Variants in VTA1 observed in about 807,000 individuals in gnomAD.
VTA1 encodes the protein vacuolar protein sorting-associated protein VTA1 homolog.
In VTA1, 24 loss-of-function variants were observed where a neutral mutation model predicts 36.9. The ratio of observed to expected loss-of-function variants is 0.65; its 90% confidence interval spans 0.47 to 0.91. The LOEUF is 0.91. Ranked by LOEUF, VTA1 falls within the 40% of genes least tolerant of loss-of-function variation. The pLI is 0.00. For synonymous variants in VTA1, 142 were observed against 130.2 expected (o/e 1.09, Z -0.62); for missense variants, 393 against 377.2 (o/e 1.04, Z -0.35).
intron 7 of VTA1, among the ~76,000 whole-genome samples, chr6:142,213,477 G>A (rs563074128): frequency 1.3e-5 from 2 of 152,268 alleles, no homozygotes; most frequent in South Asian, 2.1e-4. Context: ...GAGGATGGTG[G>A]CCCTCTTCTC....
At chr6:142,168,120 C>A (rs1774956106) in intron 2 of VTA1, among the ~76,000 whole-genome samples, 2 of 152,096 alleles carry the variant, frequency 1.3e-5, no homozygotes, top group Non-Finnish European at 2.9e-5. Context: ...TTTAAAACTT[C>A]AAGTATATTA....
intron 6 of VTA1, among the ~76,000 whole-genome samples, chr6:142,202,332 T>C (rs1384970199): frequency 6.6e-6 from 1 of 151,912 alleles, no homozygotes; most frequent in African/African-American, 2.4e-5. Flanking sequence ...ATTTATACTT[T>C]TATACAGTTT....
intron 7 of VTA1, among the ~76,000 whole-genome samples, chr6:142,205,402 A>G (rs1775771620): frequency 6.6e-6 from 1 of 152,162 alleles, no homozygotes; most frequent in Non-Finnish European, 1.5e-5. Context: ...TTAGTCTACC[A>G]TCTAGAACCA....
chr6:142,172,449 C>T (rs1047203225), intron 4 of VTA1, among the ~76,000 whole-genome samples: 1 of 152,210 alleles, frequency 6.6e-6, no homozygotes, highest in African/African-American at 2.4e-5. Context: ...AACAGCCCTA[C>T]CCTAGGGTAT....
intron 7 of VTA1, among the ~76,000 whole-genome samples, chr6:142,214,296 C>G (rs563703455): frequency 6.6e-6 from 1 of 152,174 alleles, no homozygotes; most frequent in African/African-American, 2.4e-5. Flanking sequence ...CCAATAAGTT[C>G]CTCATCTCCA....
intron 1 of VTA1, among the ~76,000 whole-genome samples, chr6:142,165,479 A>T (rs1242051272): frequency 1.3e-5 from 2 of 152,202 alleles, no homozygotes; most frequent in African/African-American, 4.8e-5. Context: ...TTTGTGCACA[A>T]CAGTTGTAAT....
chr6:142,222,573 C>CT lies in VTA1; in HGVS notation c.*3934dup, dbSNP rs1776131189. ...TATGCATTGAAAGATTATATACTGT[C>CT]TTTTCTAAAGAAACACCCTAATAGC... On this transcript the variant is annotated 3_prime_UTR_variant, in exon 8 of 8. Transcript: ENST00000367630. The CT allele has an allele frequency of 6.6e-6, 1 of 152,200 alleles. No homozygotes were observed. The highest frequency in any genetic ancestry group is 2.1e-4 in the South Asian group (1 of 4,826). 9.4% of individuals were successfully genotyped at this position (152,200 alleles called of 1,614,324 possible).
rs571977962 is a variant in VTA1 at position 142,211,383 on chromosome 6, CTT to C, written c.779-7111_779-7110del. Among the ~76,000 whole-genome samples, 327 of 151,682 alleles carry C rather than the reference CTT, an allele frequency of 2.2e-3. 4 individuals carry two copies. Among genetic ancestry groups the C allele is most frequent in the East Asian group, 1.4e-3 (7 of 5,182 alleles). ...CAGATGACTTTGGGTTGAGCAATGA[CTT>C]TTTAAATGCATGACCTATAAAAGAA... On this transcript the variant is annotated intron_variant, in intron 7 of 7. Coordinates refer to ENST00000367630, the MANE Select transcript of VTA1 (RefSeq NM_016485.5).
intron 7 of VTA1, among the ~76,000 whole-genome samples, chr6:142,212,300 G>A (rs1775918917): frequency 6.6e-6 from 1 of 152,160 alleles, no homozygotes; most frequent in Non-Finnish European, 1.5e-5. Flanking sequence ...TAAATAAACT[G>A]CAGTACATCT....
chr6:142,187,157 G>A (rs567232582), intron 4 of VTA1, among the ~76,000 whole-genome samples: 2 of 152,180 alleles, frequency 1.3e-5, no homozygotes, highest in East Asian at 1.9e-4. Context: ...ATTATTGATT[G>A]CGCCCACTAT....
Position 142,222,084 on chromosome 6 carries a change from GAGCC to G in VTA1, c.*3443_*3446del, listed in dbSNP as rs1293091196. On this transcript the variant is annotated 3_prime_UTR_variant, in exon 8 of 8. Transcript: ENST00000367630. ...GTTTCTGGCGGCTTTTTTTTAGGTAGAGCCACAGGATTTCTGTAAACTGGATGTG... is the reference window on the plus strand; with the variant it reads ...GTTTCTGGCGGCTTTTTTTTAGGTAGACAGGATTTCTGTAAACTGGATGTG... 6.6e-6 allele frequency: 1 copy of G among 152,018 alleles called. No homozygotes were observed. Among genetic ancestry groups the G allele is most frequent in the Non-Finnish European group, 1.5e-5 (1 of 68,014 alleles). 9.4% of individuals were successfully genotyped at this position (152,018 alleles called of 1,614,324 possible).
At chr6:142,187,798 T>C (rs547921011) in intron 4 of VTA1, among the ~76,000 whole-genome samples, 2 of 152,284 alleles carry the variant, frequency 1.3e-5, no homozygotes, top group South Asian at 4.1e-4. Flanking sequence ...AGAAGCTGCC[T>C]GTAGTAGTAT....
chr6:142,148,975 G>A (rs1023380918), intron 1 of VTA1, among the ~76,000 whole-genome samples: 1 of 152,170 alleles, frequency 6.6e-6, no homozygotes, highest in African/African-American at 2.4e-5. Flanking sequence ...GGAAATTCCT[G>A]TTCCCGATCC....
intron 1 of VTA1, among the ~76,000 whole-genome samples, chr6:142,165,555 C>G (rs1158386938): frequency 2.0e-5 from 3 of 152,132 alleles, no homozygotes; most frequent in Non-Finnish European, 4.4e-5. Flanking sequence ...AGAACATTAG[C>G]ACTGACACAG....
chr6:142,181,222 T>C lies in VTA1; in HGVS notation c.412-8204T>C, dbSNP rs750039354. Among the ~76,000 whole-genome samples, 133 of 145,882 alleles carry C rather than the reference T, an allele frequency of 9.1e-4. 1 individual carries two copies. The highest frequency in any genetic ancestry group is 1.8e-3 in the Non-Finnish European group (118 of 66,272). ...GATCTCACCTCTCTGCAAGCTCCGC[T>C]TCCCGGGTTCATGCCATTCTCCTGC... is the stretch of plus-strand genomic sequence containing the variant. On this transcript the variant is annotated intron_variant, in intron 4 of 7. Transcript: ENST00000367630.
intron 7 of VTA1, among the ~76,000 whole-genome samples, chr6:142,207,739 C>A (rs755256967): frequency 9.2e-5 from 14 of 152,088 alleles, no homozygotes; most frequent in Non-Finnish European, 2.1e-4. Flanking sequence ...ATAGGAAAGA[C>A]CCACAAGAAA....
rs772746554 is a variant in VTA1 at position 142,189,533 on chromosome 6, T to C, written c.519T>C (p.Asn173=). The C allele has an allele frequency of 6.3e-7, 1 of 1,578,820 alleles. No individual in the cohort carries two copies. The highest frequency in any genetic ancestry group is 1.4e-5 in the African/African-American group (1 of 73,352). ...GCCCTGTTGGAATTGAAGAAGATAA[T>C]GGTATGTATTTATTTATTCTGAGTA... ...QAGPVGIEED[N]DIEENEDAGA... is the part of the protein sequence containing the mutation. Residue 173 remains asparagine, a splice_region_variant and synonymous_variant, in exon 5 of 8, where the codon AAT becomes AAC. Transcript: ENST00000367630.
Position 142,198,471 on chromosome 6 carries a change from T to A in VTA1, c.553T>A (p.Ser185Thr). The A allele has an allele frequency of 6.2e-7, 1 of 1,614,062 alleles. No homozygotes were observed. Among genetic ancestry groups the A allele is most frequent in the South Asian group, 1.1e-5 (1 of 91,074 alleles). Residue 185 changes from serine (S) to threonine (T), a missense_variant, in exon 6 of 8, where the codon TCT (serine) becomes ACT (threonine). Transcript: ENST00000367630. ...IEENEDAGAA[S>T]LPTQPTQPSS... ...AGAAAATGAAGATGCTGGAGCAGCC[T>A]CTCTGCCCACTCAGCCAACTCAGCC...
intron 1 of VTA1, among the ~76,000 whole-genome samples, chr6:142,148,973 C>CTGTTCCCGATCCCTGTATCATGTATCTT (rs1295233338): frequency 6.6e-6 from 1 of 152,228 alleles, no homozygotes; most frequent in African/African-American, 2.4e-5. Flanking sequence ...AAGGAAATTC[C>CTGTTCCCGATCCCTGTATCATGTATCTT]TGTTCCCGAT....
Sources: allele counts gnomAD v4.1 joint callset (sites outside exome capture counted in the v4.1 genomes callset), GRCh38; gene constraint gnomAD v4.1.1; transcripts MANE v1.5; gene names NCBI Gene and HGNC (gene_info 2026-07-23, HGNC 2026-07-21).